IL1RAPL2: variants seen among roughly 807,000 people sequenced by gnomAD.
IL1RAPL2 encodes X-linked interleukin-1 receptor accessory protein-like 2.
Under a neutral mutation model 44.1 loss-of-function variants are expected in IL1RAPL2, and 3 were observed. The ratio of observed to expected loss-of-function variants is 0.07; its 90% CI spans 0.03 to 0.18. The LOEUF (loss-of-function observed/expected upper bound fraction) is 0.18, where lower values mean the gene tolerates loss of function less well. Among genes scored for constraint, IL1RAPL2 ranks in the 10% least tolerant of loss-of-function variants. The pLI is 1.00. For synonymous variants in IL1RAPL2, 181 were observed against 178.8 expected (o/e 1.01, Z -0.10); for missense variants, 391 against 496.4 (o/e 0.79, Z 2.02).
intron 2 of IL1RAPL2, among the ~76,000 whole-genome samples, chrX:104,835,059 T>C (rs1249979338): frequency 1.8e-5 from 2 of 112,178 alleles, no homozygotes; most frequent in Non-Finnish European, 3.8e-5. Flanking sequence ...AAAAATGTTG[T>C]TAGATTGATC....
In IL1RAPL2 at chrX:105,187,899, T is replaced by G. The variant is rs1051437470; in HGVS notation, c.83-7576T>G. ...CTACAAAAAAATAATTCATGTGAGGTGAAGGTTATGTTAATTAGCTTGATT... is the reference window on the plus strand; with the variant it reads ...CTACAAAAAAATAATTCATGTGAGGGGAAGGTTATGTTAATTAGCTTGATT... On this transcript the variant is annotated intron_variant, in intron 2 of 10. Coordinates refer to ENST00000372582, the MANE Select transcript of IL1RAPL2 (RefSeq NM_017416.2). Among the ~76,000 whole-genome samples the G allele has an allele frequency of 2.7e-5, 3 of 111,311 alleles. No homozygotes were observed. The Admixed American group carries it at 2.9e-4, about 11-fold the overall frequency.
intron 2 of IL1RAPL2, among the ~76,000 whole-genome samples, chrX:105,032,055 G>A (rs1238740074): frequency 1.8e-5 from 2 of 111,440 alleles, no homozygotes; most frequent in Non-Finnish European, 3.8e-5. Flanking sequence ...TTGTATTTCT[G>A]TGGGATCGCT....
intron 2 of IL1RAPL2, among the ~76,000 whole-genome samples, chrX:104,698,933 C>G (rs752723946): frequency 5.4e-5 from 6 of 111,412 alleles, no homozygotes; most frequent in African/African-American, 1.3e-4. Context: ...AGTGAGATGA[C>G]AATCTCTCTC....
At chrX:105,256,417 C>T (rs1474141652) in intron 4 of IL1RAPL2, among the ~76,000 whole-genome samples, 4 of 109,249 alleles carry the variant, frequency 3.7e-5, no homozygotes, top group Non-Finnish European at 7.6e-5. Flanking sequence ...CAACCTCCGC[C>T]TCCTGGATTC....
At chrX:104,904,097 C>T (rs1923899209) in intron 2 of IL1RAPL2, among the ~76,000 whole-genome samples, 1 of 109,947 alleles carries the variant, frequency 9.1e-6, no homozygotes, top group Admixed American at 9.7e-5. Flanking sequence ...GCCTTCTATT[C>T]ACAAATATCC....
rs1182693581 is a variant in IL1RAPL2 at position 104,950,852 on chromosome X, C to A, written c.83-244623C>A. Among the ~76,000 whole-genome samples the A allele has an allele frequency of 3.6e-5, 4 of 111,058 alleles. No individual in the cohort carries two copies. In the East Asian group the frequency reaches 1.1e-3, roughly 32 times the overall value. Reference sequence around the variant, plus strand: ...CCTCCCGAGTAGCTGGGACTACAGGCGCCCGCCACCTCGCCCGGCTAATTC... The same window carrying A: ...CCTCCCGAGTAGCTGGGACTACAGGAGCCCGCCACCTCGCCCGGCTAATTC... On this transcript the variant is annotated intron_variant, in intron 2 of 10. Transcript: ENST00000372582.
At chrX:104,721,630 C>T (rs745518162) in intron 2 of IL1RAPL2, among the ~76,000 whole-genome samples, 3 of 110,468 alleles carry the variant, frequency 2.7e-5, no homozygotes, top group South Asian at 3.9e-4. Flanking sequence ...CCATGACATA[C>T]GTTTACTGAT....
chrX:105,086,196 G>A (rs1357646751), intron 2 of IL1RAPL2, among the ~76,000 whole-genome samples: 4 of 111,323 alleles, frequency 3.6e-5, no homozygotes, highest in African/African-American at 1.3e-4. Context: ...CCAATATATG[G>A]AATCAACCCA....
At chrX:104,927,789 C>T (rs1924807577) in intron 2 of IL1RAPL2, among the ~76,000 whole-genome samples, 2 of 111,492 alleles carry the variant, frequency 1.8e-5, no homozygotes, top group African/African-American at 6.5e-5. Flanking sequence ...TTTTGATCAG[C>T]CAGTGTATGA....
intron 2 of IL1RAPL2, among the ~76,000 whole-genome samples, chrX:105,085,965 G>C (rs889689943): frequency 9.0e-6 from 1 of 111,482 alleles, no homozygotes; most frequent in African/African-American, 3.3e-5. Context: ...TCTCATCCTG[G>C]TCATCTTTAC....
At chrX:105,466,141 T>A (rs1484946254) in intron 5 of IL1RAPL2, among the ~76,000 whole-genome samples, 2 of 110,945 alleles carry the variant, frequency 1.8e-5, no homozygotes, top group African/African-American at 6.5e-5. Context: ...ACTCTGTAAG[T>A]CCCCTTCCAT....
chrX:104,828,889 C>T (rs142866073), intron 2 of IL1RAPL2, among the ~76,000 whole-genome samples: 2,927 of 112,671 alleles, frequency 0.026, 89 homozygotes, highest in African/African-American at 0.091. Context: ...GCAGTGAGCT[C>T]TGCCTAGTCC....
rs748101220 is a variant in IL1RAPL2 at position 105,169,492 on chromosome X, CTTTTTTTTTTTTTT to C, written c.83-25966_83-25953del. Among the ~76,000 whole-genome samples the C allele has an allele frequency of 1.9e-4, 8 of 41,561 alleles. No homozygotes were observed. In the East Asian group the frequency reaches 4.7e-3, roughly 25 times the overall value. The allele number at this position is 41,561 out of a possible 115,157, so 36.1% of individuals were successfully genotyped here. A position where few individuals can be genotyped will look rare whatever the true frequency, so the allele number is the denominator to read the frequency against. ...TGAGAAACTTTCAGTTTCTTTCTTT[CTTTTTTTTTTTTTT>C]TTTTTTTTTTTTTTTTGAGACAGAG... On this transcript the variant is annotated intron_variant, in intron 2 of 10. Coordinates refer to ENST00000372582, the MANE Select transcript of IL1RAPL2 (RefSeq NM_017416.2).
At chrX:105,060,863 C>G (rs2032067122) in intron 2 of IL1RAPL2, among the ~76,000 whole-genome samples, 1 of 110,027 alleles carries the variant, frequency 9.1e-6, no homozygotes, top group Non-Finnish European at 1.9e-5. Context: ...CCCAATGTTC[C>G]TTTAAATTTC....
At chrX:104,850,656 G>C (rs1048989887) in intron 2 of IL1RAPL2, among the ~76,000 whole-genome samples, 3 of 111,666 alleles carry the variant, frequency 2.7e-5, no homozygotes, top group African/African-American at 9.7e-5. Context: ...TTGCCATGGA[G>C]CTGTTGTAAT....
At chrX:104,950,327 C>T (rs1305353102) in intron 2 of IL1RAPL2, among the ~76,000 whole-genome samples, 1 of 112,415 alleles carries the variant, frequency 8.9e-6, no homozygotes, top group Non-Finnish European at 1.9e-5. Flanking sequence ...TGCCCGTTCT[C>T]AGATCTCCAG....
At chrX:104,777,770 C>T (rs997410578) in intron 2 of IL1RAPL2, among the ~76,000 whole-genome samples, 9 of 108,896 alleles carry the variant, frequency 8.3e-5, no homozygotes, top group Non-Finnish European at 1.3e-4. Flanking sequence ...TTAGTAGAGA[C>T]GGCGTTTCAC....
intron 2 of IL1RAPL2, among the ~76,000 whole-genome samples, chrX:104,708,999 A>G (rs763298770): frequency 1.8e-5 from 2 of 111,598 alleles, no homozygotes; most frequent in Non-Finnish European, 3.8e-5. Flanking sequence ...TTGGTTTTGG[A>G]TAATCTGCCC....
intron 2 of IL1RAPL2, among the ~76,000 whole-genome samples, chrX:105,078,890 A>G (rs761335142): frequency 1.8e-5 from 2 of 112,145 alleles, no homozygotes; most frequent in East Asian, 2.8e-4. Context: ...AGGGCGCAGT[A>G]TTAGGGTGGG....
Sources: gnomAD v4.1 joint callset for allele counts (sites outside exome capture counted in the v4.1 genomes callset) on GRCh38, gnomAD v4.1.1 for gene constraint, MANE v1.5 for transcripts, NCBI Gene and HGNC (gene_info 2026-07-23, HGNC 2026-07-21) for gene names.